The following ZMAT4 variants were observed in gnomAD, a reference collection of about 807,000 sequenced individuals.
The protein encoded by ZMAT4 is zinc finger matrin-type protein 4.
ZMAT4 carries 17 observed loss-of-function variants against 28.7 expected under a neutral mutation model. The ratio of observed to expected loss-of-function variants is 0.59; its 90% CI spans 0.41 to 0.89. The LOEUF is 0.89. Ranked by LOEUF, ZMAT4 falls within the 40% of genes least tolerant of loss-of-function variation. The pLI, the probability that ZMAT4 is intolerant of heterozygous loss-of-function variation, is 0.00. For missense variants in ZMAT4, 240 were observed against 283.8 expected (o/e 0.85, Z 1.11); for synonymous variants, 117 against 109.2 (o/e 1.07, Z -0.44).
chr8:40,882,227 C>T (rs1467346894), intron 1 of ZMAT4, among the ~76,000 whole-genome samples: 1 of 152,148 alleles, frequency 6.6e-6, no homozygotes, highest in Non-Finnish European at 1.5e-5. Context: ...CCACAAATCA[C>T]TTGATTAGTA....
At chr8:40,671,659 AT>A (rs1471764268) in intron 5 of ZMAT4, among the ~76,000 whole-genome samples, 2 of 152,184 alleles carry the variant, frequency 1.3e-5, no homozygotes, top group African/African-American at 4.8e-5. Flanking sequence ...GTTCTCTGGA[AT>A]GGAGGGTTGG....
chr8:40,864,302 A>G (rs939394634), intron 1 of ZMAT4, among the ~76,000 whole-genome samples: 7 of 152,192 alleles, frequency 4.6e-5, no homozygotes, highest in Non-Finnish European at 5.9e-5. Context: ...TGCTGGATGT[A>G]CACCCTCAGA....
At chr8:40,690,036 C>T (rs542390810) in intron 4 of ZMAT4, among the ~76,000 whole-genome samples, 15 of 152,174 alleles carry the variant, frequency 9.9e-5, no homozygotes, top group African/African-American at 2.9e-4. Context: ...TTTCATTAGT[C>T]ATCAACTATA....
intron 5 of ZMAT4, among the ~76,000 whole-genome samples, chr8:40,589,062 C>T (rs1164748591): frequency 6.6e-6 from 1 of 152,148 alleles, no homozygotes; most frequent in Non-Finnish European, 1.5e-5. Flanking sequence ...CTGATACATC[C>T]ATTAATCAAA....
intron 3 of ZMAT4, among the ~76,000 whole-genome samples, chr8:40,738,223 T>C (rs1409802336): frequency 6.6e-6 from 1 of 152,042 alleles, no homozygotes; most frequent in Non-Finnish European, 1.5e-5. Context: ...GGGAGTTGGA[T>C]TGCAGTGGAG....
chr8:40,685,933 T>C (rs926799568), intron 4 of ZMAT4, among the ~76,000 whole-genome samples: 1 of 152,126 alleles, frequency 6.6e-6, no homozygotes, highest in Non-Finnish European at 1.5e-5. Context: ...CCAGCCACGA[T>C]AGATGTTAAA....
At chr8:40,663,482 C>T (rs1193212307) in intron 5 of ZMAT4, among the ~76,000 whole-genome samples, 3 of 152,172 alleles carry the variant, frequency 2.0e-5, no homozygotes, top group Admixed American at 2.0e-4. Context: ...TCTCACATAA[C>T]AGGAACTTAG....
At chr8:40,825,803 C>G (rs1215189654) in intron 1 of ZMAT4, 123 bp from the exon 2 acceptor site, 3 of 673,146 alleles carry the variant, frequency 4.5e-6, no homozygotes, top group African/African-American at 3.6e-5. Flanking sequence ...AGGGGTGGAT[C>G]TCCCTACACT....
At chr8:40,780,798 C>CATCTCAATAGAGCCAGAA (rs1813795623) in intron 2 of ZMAT4, among the ~76,000 whole-genome samples, 1 of 152,130 alleles carries the variant, frequency 6.6e-6, no homozygotes, top group African/African-American at 2.4e-5. Flanking sequence ...ACCCTAAGAT[C>CATCTCAATAGAGCCAGAA]ATCTCAATAG....
intron 2 of ZMAT4, among the ~76,000 whole-genome samples, chr8:40,791,484 C>T (rs1045075638): frequency 6.6e-6 from 1 of 152,164 alleles, no homozygotes; most frequent in African/African-American, 2.4e-5. Context: ...TCTGATCCTC[C>T]AAAAACCCTA....
intron 3 of ZMAT4, among the ~76,000 whole-genome samples, chr8:40,741,020 A>G (rs1197469781): frequency 1.3e-5 from 2 of 148,228 alleles, no homozygotes; most frequent in Non-Finnish European, 1.5e-5. Flanking sequence ...ACACACACAC[A>G]CGCACACACA....
intron 1 of ZMAT4, among the ~76,000 whole-genome samples, chr8:40,858,456 C>T (rs144757539): frequency 1.9e-3 from 283 of 152,260 alleles, no homozygotes; most frequent in African/African-American, 6.6e-3. Context: ...TTTTCCTCTT[C>T]CTTCTGGATC....
chr8:40,655,063 C>CACACACACACAT (rs1313765073), intron 5 of ZMAT4, among the ~76,000 whole-genome samples: 1 of 151,726 alleles, frequency 6.6e-6, no homozygotes, highest in Non-Finnish European at 1.5e-5. Flanking sequence ...AATACCTACA[C>CACACACACACAT]ACACACACAC....
At chr8:40,747,118 T>A (rs1812274457) in intron 3 of ZMAT4, among the ~76,000 whole-genome samples, 1 of 152,176 alleles carries the variant, frequency 6.6e-6, no homozygotes, top group Non-Finnish European at 1.5e-5. Context: ...GAAACTTGGA[T>A]TAATGGTTTA....
intron 1 of ZMAT4, among the ~76,000 whole-genome samples, chr8:40,862,978 A>G (rs117539827): frequency 0.022 from 3,328 of 152,194 alleles, 60 homozygotes; most frequent in South Asian, 0.05. Flanking sequence ...ATTTAAAAAA[A>G]AAAGAAAGAA....
chr8:40,887,802 G>T (rs1423381972), intron 1 of ZMAT4, among the ~76,000 whole-genome samples: 7 of 152,120 alleles, frequency 4.6e-5, no homozygotes, highest in African/African-American at 1.7e-4. Context: ...CCATGTTATT[G>T]CAGGTGTAAT....
chr8:40,737,785 T>C (rs1312098525), intron 3 of ZMAT4, among the ~76,000 whole-genome samples: 1 of 151,886 alleles, frequency 6.6e-6, no homozygotes, highest in Non-Finnish European at 1.5e-5. Context: ...ATGAGGCAAG[T>C]TATTTAATCT....
intron 1 of ZMAT4, among the ~76,000 whole-genome samples, chr8:40,868,712 C>A (rs1817755490): frequency 6.6e-6 from 1 of 152,216 alleles, no homozygotes; most frequent in African/African-American, 2.4e-5. Context: ...GTTCCTAAAG[C>A]TGACTGGGTG....
chr8:40,781,578 C>T (rs886667017), intron 2 of ZMAT4, among the ~76,000 whole-genome samples: 4 of 150,114 alleles, frequency 2.7e-5, no homozygotes, highest in Admixed American at 1.3e-4. Flanking sequence ...CCGGCTAAAA[C>T]GGTGAAACCC....
Sources: allele counts gnomAD v4.1 joint callset (sites outside exome capture counted in the v4.1 genomes callset), GRCh38; gene constraint gnomAD v4.1.1; transcripts MANE v1.5; gene names NCBI Gene and HGNC (gene_info 2026-07-23, HGNC 2026-07-21).